Variants in N4BP2L2 observed in about 807,000 individuals in gnomAD.
N4BP2L2 encodes NEDD4 binding protein 2 like 2.
In N4BP2L2, 50 loss-of-function variants were observed where a neutral mutation model predicts 56.2. The ratio of observed to expected loss-of-function variants is 0.89; its 90% CI spans 0.71 to 1.13. The LOEUF is 1.13. N4BP2L2 is among the 50% of genes most tolerant of loss of function. The probability of loss-of-function intolerance (pLI) is 0.00; values close to 1 mark genes in which losing one functional copy is unlikely to be tolerated. For missense variants in N4BP2L2, 689 were observed against 693.8 expected (o/e 0.99, Z 0.08); for synonymous variants, 203 against 223.6 (o/e 0.91, Z 0.82).
At chr13:32,451,528 A>G (rs2078013211) in intron 6 of N4BP2L2, among the ~76,000 whole-genome samples, 1 of 152,012 alleles carries the variant, frequency 6.6e-6, no homozygotes. Context: ...ATTTAGCTAG[A>G]AAATATAAGT....
chr13:32,503,318 G>C (rs901841858), intron 6 of N4BP2L2, among the ~76,000 whole-genome samples: 1 of 151,936 alleles, frequency 6.6e-6, no homozygotes, highest in South Asian at 2.1e-4. Flanking sequence ...TAATTTCTGG[G>C]GGTATTCATT....
At position 32,434,727 on chromosome 13, in the gene N4BP2L2, G is replaced by A. The variant is rs540444705; in HGVS notation, c.*21+1634C>T. 1.3e-4 allele frequency among the ~76,000 whole-genome samples: 20 copies of A among 152,202 alleles called. No individual in the cohort carries two copies. The East Asian group carries it at 3.9e-3, about 29-fold the overall frequency. On this transcript the variant is annotated intron_variant, in intron 9 of 9. Transcript: ENST00000357505. ...TCTGTTTACCCCTTGAGACAGACTG[G>A]TCAGTACTTAATGCCAAACATAAAA...
intron 8 of N4BP2L2, among the ~76,000 whole-genome samples, chr13:32,436,860 CTATCTATTTATTTATT>C (rs1248139192): frequency 1.6e-4 from 21 of 131,642 alleles, no homozygotes; most frequent in African/African-American, 4.7e-4. Flanking sequence ...TATCTAATAT[CTATCTATTTATTTATT>C]TATTTATTTA....
rs549376567 is a variant in N4BP2L2, at chr13:32,437,344, A to G, written c.2191-939T>C. Among the ~76,000 whole-genome samples, 16 of 152,254 alleles carry G rather than the reference A, an allele frequency of 1.1e-4. No individual in the cohort carries two copies. The South Asian group carries it at 3.1e-3, about 30-fold the overall frequency. ...GACGAAATGAGTCTACTTTGCCCATAGAGGTGTTTATGAGAACAGTTAAGA... is the reference window on the plus strand; with the variant it reads ...GACGAAATGAGTCTACTTTGCCCATGGAGGTGTTTATGAGAACAGTTAAGA... On this transcript the variant is annotated intron_variant, in intron 8 of 9. Transcript: ENST00000357505.
intron 6 of N4BP2L2, among the ~76,000 whole-genome samples, chr13:32,452,711 C>T (rs970993018): frequency 1.3e-5 from 2 of 152,160 alleles, no homozygotes; most frequent in Non-Finnish European, 2.9e-5. Flanking sequence ...AAATAACACA[C>T]ACAACTCTTA....
chr13:32,449,858 T>C (rs1033230935), intron 6 of N4BP2L2, among the ~76,000 whole-genome samples: 1 of 152,178 alleles, frequency 6.6e-6, no homozygotes, highest in East Asian at 1.9e-4. Context: ...AACTGGAAAA[T>C]TCTCCAAAAA....
At chr13:32,514,112 A>G (rs2048693328) in exon 6 of N4BP2L2, 1 of 152,162 alleles carries the variant, frequency 6.6e-6, no homozygotes, top group Non-Finnish European at 1.5e-5. Flanking sequence ...TACTTAAATC[A>G]CCCACTCCAA....
rs568843348 is a variant in N4BP2L2 at position 32,441,782 on chromosome 13, G to A, written c.2104+606C>T. 2.9e-3 allele frequency among the ~76,000 whole-genome samples: 434 copies of A among 150,180 alleles called. 2 individuals carry two copies. Among genetic ancestry groups the A allele is most frequent in the African/African-American group, 9.7e-3 (399 of 41,266 alleles). On this transcript the variant is annotated intron_variant, in intron 7 of 9. Transcript: ENST00000357505. ...GGTTTGGCCGGGCGCGGTGGCTCAC[G>A]CCTGTAATCCCAGCACTTTGGGAGG... is the stretch of plus-strand genomic sequence containing the variant.
intron 6 of N4BP2L2, chr13:32,478,247 G>T (rs986365706): frequency 3.0e-6 from 1 of 330,212 alleles, no homozygotes; most frequent in South Asian, 2.9e-5. Flanking sequence ...TGTAATTTAC[G>T]GTCAGACACC....
At chr13:32,537,940 C>T (rs559199890) in intron 1 of N4BP2L2, among the ~76,000 whole-genome samples, 2 of 151,958 alleles carry the variant, frequency 1.3e-5, no homozygotes, top group South Asian at 4.2e-4. Flanking sequence ...CATGGGGGCG[C>T]GCACTTGTGG....
intron 6 of N4BP2L2, chr13:32,446,620 G>A (rs2077090786): frequency 1.0e-6 from 1 of 969,792 alleles, no homozygotes; most frequent in Non-Finnish European, 1.4e-6. Context: ...TTAATGTATA[G>A]TCACTGTCCC....
At chr13:32,515,516 C>T (rs180711868) in exon 6 of N4BP2L2, 2 of 152,120 alleles carry the variant, frequency 1.3e-5, no homozygotes, top group East Asian at 3.9e-4. Flanking sequence ...CTCTGTGATG[C>T]AACAGTAGTT....
intron 6 of N4BP2L2, among the ~76,000 whole-genome samples, chr13:32,486,985 C>T (rs531099486): frequency 4.6e-5 from 7 of 151,796 alleles, no homozygotes; most frequent in East Asian, 3.9e-4. Flanking sequence ...GGCTACAGAG[C>T]GAGACTCCAT....
chr13:32,498,177 G>A (rs1258472376), intron 6 of N4BP2L2, among the ~76,000 whole-genome samples: 1 of 152,020 alleles, frequency 6.6e-6, no homozygotes, highest in Non-Finnish European at 1.5e-5. Context: ...GTAGAGATGG[G>A]GTTTCACTAT....
At chr13:32,503,859 AAC>A (rs1477171617) in intron 6 of N4BP2L2, among the ~76,000 whole-genome samples, 2 of 152,168 alleles carry the variant, frequency 1.3e-5, no homozygotes, top group African/African-American at 4.8e-5. Flanking sequence ...CAGCTTGGGA[AAC>A]ACAGTGAGAT....
intron 6 of N4BP2L2, among the ~76,000 whole-genome samples, chr13:32,495,003 C>T (rs2088201096): frequency 6.6e-6 from 1 of 152,146 alleles, no homozygotes; most frequent in African/African-American, 2.4e-5. Context: ...AGAGGTCACA[C>T]TCTATTCCCT....
intron 6 of N4BP2L2, among the ~76,000 whole-genome samples, chr13:32,467,529 C>G (rs982300037): frequency 6.6e-6 from 1 of 150,950 alleles, no homozygotes; most frequent in East Asian, 2.0e-4. Context: ...CTGCCTGCCT[C>G]GGCCTCCCAA....
At chr13:32,527,896 T>C (rs952859408) in intron 2 of N4BP2L2, among the ~76,000 whole-genome samples, 1 of 151,816 alleles carries the variant, frequency 6.6e-6, no homozygotes, top group Non-Finnish European at 1.5e-5. Context: ...CTCAGCCTCC[T>C]GAGTAGCTGG....
chr13:32,529,743 T>TA (rs997205037), intron 2 of N4BP2L2, among the ~76,000 whole-genome samples: 2 of 151,808 alleles, frequency 1.3e-5, no homozygotes, highest in Non-Finnish European at 1.5e-5. Context: ...TTTTTTTTTT[T>TA]AGACAAGAGT....
Sources: allele counts gnomAD v4.1 joint callset (sites outside exome capture counted in the v4.1 genomes callset), GRCh38; gene constraint gnomAD v4.1.1; transcripts MANE v1.5; gene names NCBI Gene and HGNC (gene_info 2026-07-23, HGNC 2026-07-21).